The following MYO5B variants were observed in gnomAD, a reference collection of about 807,000 sequenced individuals.
MYO5B encodes myosin VB.
In MYO5B, 143 loss-of-function variants were observed where a neutral mutation model predicts 229.3. The observed-to-expected ratio is 0.62, with a 90% CI of 0.54 to 0.72. The LOEUF (loss-of-function observed/expected upper bound fraction) is 0.72. MYO5B is among the 30% of genes least tolerant of loss of function. The probability of loss-of-function intolerance (pLI) is 0.00; values close to 1 mark genes in which losing one functional copy is unlikely to be tolerated. For synonymous variants in MYO5B, 918 were observed against 885.2 expected, an observed-to-expected ratio of 1.04 and a Z score of -0.66; for missense variants, 2,321 against 2,331.0, an observed-to-expected ratio of 1.00 and a Z score of 0.09.
intron 1 of MYO5B, among the ~76,000 whole-genome samples, chr18:50,063,193 G>A (rs1009765274): frequency 2.0e-5 from 3 of 152,070 alleles, no homozygotes; most frequent in Non-Finnish European, 4.4e-5. Flanking sequence ...ATTATTTCCC[G>A]AGTTAACTCC....
chr18:50,050,931 C>T (rs939330476), intron 2 of MYO5B, among the ~76,000 whole-genome samples: 6 of 152,220 alleles, frequency 3.9e-5, no homozygotes, highest in African/African-American at 9.7e-5. Context: ...TGCTTCTCCA[C>T]GTGCTCTTGT....
Position 49,843,394 on chromosome 18 carries a change from T to C in MYO5B, c.4460-2A>G. 3 of 1,614,144 alleles carry C rather than the reference T, an allele frequency of 1.9e-6. No individual in the cohort carries two copies. Among genetic ancestry groups the C allele is most frequent in the Non-Finnish European group, 2.5e-6 (3 of 1,180,024 alleles). On this transcript the variant is annotated splice_acceptor_variant, in intron 33 of 39. Coordinates refer to ENST00000285039, the MANE Select transcript of MYO5B (RefSeq NM_001080467.3). LOFTEE classifies it high-confidence loss of function. ...CCGACAGCATCTGGGGCTTCAAGTC[T>C]AAGGGCAACGAGAGCAGCAAATGGC...
intron 10 of MYO5B, among the ~76,000 whole-genome samples, chr18:49,971,189 C>G (rs1360631728): frequency 6.6e-6 from 1 of 152,140 alleles, no homozygotes; most frequent in Non-Finnish European, 1.5e-5. Flanking sequence ...AGAATCACTT[C>G]CCATAGTCAT....
intron 28 of MYO5B, 69 bp from the exon 29 acceptor site, chr18:49,863,396 A>G: frequency 7.4e-7 from 1 of 1,345,966 alleles, no homozygotes; most frequent in East Asian, 2.3e-5. Context: ...ATATACAAAC[A>G]GGTATAAAAA....
chr18:50,154,684 A>C (rs560443702), intron 1 of MYO5B, among the ~76,000 whole-genome samples: 90 of 152,352 alleles, frequency 5.9e-4, no homozygotes, highest in Middle Eastern at 3.4e-3. Flanking sequence ...CTTGTTCAAC[A>C]AGCACTTCTA....
chr18:49,856,929 G>C, intron 29 of MYO5B, 39 bp from the exon 30 acceptor site: 2 of 1,538,882 alleles, frequency 1.3e-6, no homozygotes, highest in Non-Finnish European at 1.8e-6. Context: ...GTCCAGTGTA[G>C]ACGGAAGAGA....
intron 21 of MYO5B, among the ~76,000 whole-genome samples, chr18:49,901,572 C>T (rs2024841893): frequency 6.6e-6 from 1 of 152,202 alleles, no homozygotes; most frequent in Non-Finnish European, 1.5e-5. Flanking sequence ...TGCATTAGAC[C>T]ATTTATTCTT....
In MYO5B at chr18:49,880,398, T is replaced by A. The variant is rs2024573621; in HGVS notation, c.3103A>T (p.Asn1035Tyr). The change falls in exon 23 of 40, where the codon AAC becomes TAC. Residue 1035 changes from asparagine to tyrosine, a missense_variant. By Grantham distance (143) the Asn-to-Tyr change is moderately radical. Coordinates refer to ENST00000285039, the MANE Select transcript of MYO5B (RefSeq NM_001080467.3). ...TTAGACTGGCACAGGATTTGGTTGT[T>A]GAGCTGTTCTTTCTCATCTTTCAAG... ...ALLKDEKEQLNNQILCQSKDE... is the reference protein window; with the variant it reads ...ALLKDEKEQLYNQILCQSKDE... 1 of 1,614,006 alleles carries A rather than the reference T, an allele frequency of 6.2e-7. No individual in the cohort carries two copies. The highest frequency in any genetic ancestry group is 8.5e-7 in the Non-Finnish European group (1 of 1,179,978).
rs114649074 is a variant in MYO5B at position 49,996,064 on chromosome 18, A to G, written c.613-3633T>C. On this transcript the variant is annotated intron_variant, in intron 5 of 39. Coordinates refer to ENST00000285039, the MANE Select transcript of MYO5B (RefSeq NM_001080467.3). Reference sequence around the variant, plus strand: ...GATAAGTTTCAATTTCAAACTTTTAATTTCCAATTTCTTACTTTCTAAGAT... The same window carrying G: ...GATAAGTTTCAATTTCAAACTTTTAGTTTCCAATTTCTTACTTTCTAAGAT... 2.6e-3 allele frequency among the ~76,000 whole-genome samples: 393 copies of G among 152,364 alleles called. 1 individual carries two copies. Among genetic ancestry groups the G allele is most frequent in the African/African-American group, 8.9e-3 (372 of 41,590 alleles).
chr18:50,014,821 C>T (rs1191400965), intron 4 of MYO5B, among the ~76,000 whole-genome samples: 2 of 152,182 alleles, frequency 1.3e-5, no homozygotes, highest in Non-Finnish European at 2.9e-5. Context: ...AATTTTTTAC[C>T]GCACAGCTCC....
At chr18:49,950,880 T>C (rs2025424026) in intron 14 of MYO5B, among the ~76,000 whole-genome samples, 1 of 152,322 alleles carries the variant, frequency 6.6e-6, no homozygotes, top group East Asian at 1.9e-4. Flanking sequence ...GCTTGACCCC[T>C]GGCTGGTGTC....
intron 17 of MYO5B, among the ~76,000 whole-genome samples, chr18:49,927,134 T>C (rs2144190114): frequency 1.3e-5 from 2 of 152,298 alleles, no homozygotes; most frequent in Admixed American, 1.3e-4. Context: ...CACTAAACTG[T>C]ACACTTAGAA....
chr18:50,160,741 C>T lies in MYO5B; in HGVS notation c.27+34026G>A, dbSNP rs191516847. 2.1e-3 allele frequency among the ~76,000 whole-genome samples: 327 copies of T among 152,252 alleles called. 1 individual carries two copies. Among genetic ancestry groups the T allele is most frequent in the Non-Finnish European group, 3.7e-3 (249 of 68,020 alleles). On this transcript the variant is annotated intron_variant, in intron 1 of 39. Transcript: ENST00000285039. ...TTCACCCACTCATCCTAGTTGTGAC[C>T]GCTGTGAGAGTAGACACAATCCTAG...
chr18:49,983,378 C>T (rs1349455689), intron 8 of MYO5B, among the ~76,000 whole-genome samples: 1 of 152,206 alleles, frequency 6.6e-6, no homozygotes, highest in Non-Finnish European at 1.5e-5. Flanking sequence ...TCCCCATCAG[C>T]AGTGGCTTCT....
chr18:49,871,509 A>G (rs2024455576), intron 27 of MYO5B: 1 of 157,606 alleles, frequency 6.3e-6, no homozygotes, highest in Non-Finnish European at 1.4e-5. Context: ...CTCCTGGGCA[A>G]TGTAGCTGTT....
At position 50,007,225 on chromosome 18, in the gene MYO5B, G is replaced by A. The variant is rs542574911; in HGVS notation, c.456-5814C>T. On this transcript the variant is annotated intron_variant, in intron 4 of 39. Coordinates refer to ENST00000285039, the MANE Select transcript of MYO5B (RefSeq NM_001080467.3). ...AGCCTATCCCTGGCACCTCCTCTATGTAAGTGGCACCAGTATCTACTCATT... is the reference window on the plus strand; with the variant it reads ...AGCCTATCCCTGGCACCTCCTCTATATAAGTGGCACCAGTATCTACTCATT... 2.2e-4 allele frequency among the ~76,000 whole-genome samples: 34 copies of A among 152,270 alleles called. No individual in the cohort carries two copies. The South Asian group carries it at 6.6e-3, about 30-fold the overall frequency.
chr18:49,863,846 C>T (rs2024361476), intron 28 of MYO5B, among the ~76,000 whole-genome samples: 1 of 152,208 alleles, frequency 6.6e-6, no homozygotes, highest in Non-Finnish European at 1.5e-5. Context: ...ACTCTCTCCA[C>T]TTCAGAAAGC....
intron 16 of MYO5B, among the ~76,000 whole-genome samples, chr18:49,935,958 T>C (rs4939921): frequency 0.098 from 14,926 of 152,306 alleles, 981 homozygotes; most frequent in East Asian, 0.31. Context: ...ACACTTGCTG[T>C]GAGATGTACT....
chr18:50,079,135 T>C (rs544333498), intron 1 of MYO5B, among the ~76,000 whole-genome samples: 2 of 152,358 alleles, frequency 1.3e-5, no homozygotes, highest in South Asian at 4.1e-4. Flanking sequence ...TGTCTCTTGA[T>C]CAGGTTCTAG....
Sources: allele counts gnomAD v4.1 joint callset (sites outside exome capture counted in the v4.1 genomes callset), GRCh38; gene constraint gnomAD v4.1.1; transcripts MANE v1.5; gene names NCBI Gene and HGNC (gene_info 2026-07-23, HGNC 2026-07-21).